SLC24A2: variants seen among roughly 807,000 people sequenced by gnomAD.
The protein encoded by SLC24A2 is solute carrier family 24 member 2, also known as sodium/potassium/calcium exchanger 2.
Under a neutral mutation model 62.0 loss-of-function variants are expected in SLC24A2, and 36 were observed. The observed-to-expected ratio is 0.58, with a 90% CI of 0.44 to 0.77. The LOEUF (loss-of-function observed/expected upper bound fraction) is 0.77, where lower values mean the gene tolerates loss of function less well. Among genes scored for constraint, SLC24A2 ranks in the 30% least tolerant of loss-of-function variants. The pLI is 0.00. For synonymous variants in SLC24A2, 358 were observed against 294.0 expected, an observed-to-expected ratio of 1.22 and a Z score of -2.23; for missense variants, 846 against 817.9, an observed-to-expected ratio of 1.03 and a Z score of -0.42.
the SLC24A2 span, among the ~76,000 whole-genome samples, chr9:20,278,093 G>C: frequency 1.3e-5 from 2 of 152,068 alleles, no homozygotes; most frequent in Admixed American, 1.3e-4. Context: ...TCGTGGGGTT[G>C]GGGGAGGGGG....
the SLC24A2 span, among the ~76,000 whole-genome samples, chr9:20,289,410 G>T: frequency 2.0e-5 from 3 of 152,130 alleles, no homozygotes; most frequent in African/African-American, 7.2e-5. Context: ...TTCTCCATGG[G>T]AACAAGACAA....
chr9:20,126,868 T>G, the SLC24A2 span, among the ~76,000 whole-genome samples: 1 of 152,170 alleles, frequency 6.6e-6, no homozygotes, highest in Non-Finnish European at 1.5e-5. Context: ...TGGTGTTGCC[T>G]CTGTCTATAG....
chr9:19,838,455 C>CCACACACACACA, the SLC24A2 span, among the ~76,000 whole-genome samples: 21 of 144,852 alleles, frequency 1.4e-4, no homozygotes, highest in Non-Finnish European at 2.4e-4. Flanking sequence ...AGACCTAAAA[C>CCACACACACACA]CACACACACA....
chr9:19,822,303 C>A, the SLC24A2 span, among the ~76,000 whole-genome samples: 1 of 152,050 alleles, frequency 6.6e-6, no homozygotes, highest in South Asian at 2.1e-4. Flanking sequence ...ACTTGTAGAC[C>A]CTTTAACGGC....
chr9:20,187,744 G>A, the SLC24A2 span, among the ~76,000 whole-genome samples: 2 of 152,192 alleles, frequency 1.3e-5, no homozygotes, highest in African/African-American at 4.8e-5. Context: ...CACGACATCT[G>A]AGCATCTTGT....
At chr9:19,713,408 C>T (rs1001765413) in intron 2 of SLC24A2, among the ~76,000 whole-genome samples, 2 of 152,116 alleles carry the variant, frequency 1.3e-5, no homozygotes, top group African/African-American at 4.8e-5. Context: ...AATGGGCATA[C>T]TTTTACTGAC....
At chr9:20,285,415 G>T in the SLC24A2 span, among the ~76,000 whole-genome samples, 3 of 152,216 alleles carry the variant, frequency 2.0e-5, no homozygotes, top group African/African-American at 4.8e-5. Flanking sequence ...CTAGTCCAAG[G>T]CTGAAGGCCT....
intron 2 of SLC24A2, among the ~76,000 whole-genome samples, chr9:19,624,640 G>A (rs1351197167): frequency 1.3e-5 from 2 of 152,190 alleles, no homozygotes; most frequent in Non-Finnish European, 2.9e-5. Context: ...AATGTCTGCA[G>A]TTGACATCAT....
chr9:20,160,949 C>T, the SLC24A2 span, among the ~76,000 whole-genome samples: 258 of 150,816 alleles, frequency 1.7e-3, 5 homozygotes, highest in African/African-American at 5.9e-3. Context: ...TATCAAAACA[C>T]TAGTTCCTTA....
chr9:20,300,215 G>A, the SLC24A2 span, among the ~76,000 whole-genome samples: 5 of 152,072 alleles, frequency 3.3e-5, no homozygotes, highest in African/African-American at 9.7e-5. Flanking sequence ...ATTACATCTT[G>A]GAAAATGGGG....
the SLC24A2 span, among the ~76,000 whole-genome samples, chr9:20,000,371 G>T: frequency 9.2e-5 from 14 of 152,148 alleles, no homozygotes; most frequent in Non-Finnish European, 1.5e-4. Flanking sequence ...GACCTAGGCA[G>T]GTTGGATCCA....
chr9:19,745,998 G>A (rs931170961), intron 2 of SLC24A2, among the ~76,000 whole-genome samples: 1 of 151,924 alleles, frequency 6.6e-6, no homozygotes, highest in Non-Finnish European at 1.5e-5. Flanking sequence ...TACATTAGTT[G>A]AAGAAATGCT....
chr9:19,993,070 C>A, the SLC24A2 span, among the ~76,000 whole-genome samples: 1 of 152,084 alleles, frequency 6.6e-6, no homozygotes, highest in Non-Finnish European at 1.5e-5. Context: ...TAGATATTAA[C>A]CTTCAACCCC....
intron 2 of SLC24A2, among the ~76,000 whole-genome samples, chr9:19,667,755 C>A (rs1367707961): frequency 6.6e-6 from 1 of 152,172 alleles, no homozygotes; most frequent in East Asian, 1.9e-4. Context: ...GTACTCCTTG[C>A]CCCAGCCTGC....
chr9:19,667,733 C>G (rs894144020), intron 2 of SLC24A2, among the ~76,000 whole-genome samples: 28 of 152,176 alleles, frequency 1.8e-4, no homozygotes, highest in Non-Finnish European at 2.9e-5. Context: ...TCCTGTGAAG[C>G]CTTATATTTA....
chr9:19,957,555 T>G, the SLC24A2 span: 1 of 152,560 alleles, frequency 6.6e-6, no homozygotes, highest in African/African-American at 2.4e-5. Context: ...TGTGCTCCTT[T>G]GTAGCCCAGG....
At chr9:19,620,225 G>T (rs1272860869) in intron 3 of SLC24A2, among the ~76,000 whole-genome samples, 1 of 152,174 alleles carries the variant, frequency 6.6e-6, no homozygotes, top group Non-Finnish European at 1.5e-5. Context: ...TATCTGCATA[G>T]ATACACATAC....
the SLC24A2 span, among the ~76,000 whole-genome samples, chr9:20,155,204 G>C: frequency 3.4e-4 from 50 of 149,072 alleles, no homozygotes; most frequent in Admixed American, 6.0e-4. Context: ...TTAACAAGGA[G>C]CATTGTAAGT....
intron 8 of SLC24A2, among the ~76,000 whole-genome samples, chr9:19,548,734 G>A (rs1159165114): frequency 1.3e-5 from 2 of 152,196 alleles, no homozygotes; most frequent in Non-Finnish European, 2.9e-5. Flanking sequence ...TCTCCTCCCT[G>A]TGCAGTCCCC....
Sources: gnomAD v4.1 joint callset for allele counts (sites outside exome capture counted in the v4.1 genomes callset) on GRCh38, gnomAD v4.1.1 for gene constraint, MANE v1.5 for transcripts, NCBI Gene and HGNC (gene_info 2026-07-23, HGNC 2026-07-21) for gene names.